Variants in EFCAB11 observed in about 807,000 individuals in gnomAD.
The protein encoded by EFCAB11 is EF-hand calcium binding domain 11, also known as EF-hand calcium-binding domain-containing protein 11.
A neutral mutation model predicts 23.0 loss-of-function variants in EFCAB11; 14 were observed. The ratio of observed to expected loss-of-function variants is 0.61; its 90% CI spans 0.40 to 0.95. EFCAB11 has a LOEUF of 0.95. Ranked by LOEUF, EFCAB11 falls within the 40% of genes least tolerant of loss-of-function variation. The pLI is 0.00. For synonymous variants in EFCAB11, 65 were observed against 66.6 expected, an observed-to-expected ratio of 0.98 and a Z score of 0.11; for missense variants, 198 against 195.8, an observed-to-expected ratio of 1.01 and a Z score of -0.07.
intron 5 of EFCAB11, among the ~76,000 whole-genome samples, chr14:89,814,699 C>T (rs1357694891): frequency 2.0e-5 from 3 of 150,266 alleles, no homozygotes; most frequent in Admixed American, 1.3e-4. Flanking sequence ...AGCGAAACTC[C>T]CTTTCAAAAA....
At chr14:89,906,188 T>C (rs1889492705) in intron 5 of EFCAB11, among the ~76,000 whole-genome samples, 1 of 149,394 alleles carries the variant, frequency 6.7e-6, no homozygotes, top group East Asian at 1.9e-4. Context: ...AATAAATAAA[T>C]AAATAAATAA....
intron 5 of EFCAB11, among the ~76,000 whole-genome samples, chr14:89,891,919 G>C (rs959621194): frequency 2.0e-5 from 3 of 152,070 alleles, no homozygotes; most frequent in Non-Finnish European, 4.4e-5. Context: ...CCAAGCCCGA[G>C]CCCACGGTGG....
At chr14:89,828,888 G>A (rs994157646) in intron 5 of EFCAB11, among the ~76,000 whole-genome samples, 4 of 152,194 alleles carry the variant, frequency 2.6e-5, no homozygotes, top group South Asian at 2.1e-4. Context: ...AAAGAAGGTG[G>A]CTCAAGCACT....
chr14:89,838,283 T>C (rs1887148725), intron 5 of EFCAB11, among the ~76,000 whole-genome samples: 1 of 151,436 alleles, frequency 6.6e-6, no homozygotes, highest in African/African-American at 2.4e-5. Flanking sequence ...AATCAGAAAG[T>C]TGTGAAATAA....
chr14:89,917,465 A>T (rs1341679745), intron 5 of EFCAB11, among the ~76,000 whole-genome samples: 1 of 152,164 alleles, frequency 6.6e-6, no homozygotes, highest in Non-Finnish European at 1.5e-5. Context: ...GTACACACAT[A>T]CCACAATTTC....
intron 5 of EFCAB11, among the ~76,000 whole-genome samples, chr14:89,888,954 T>C (rs1871830531): frequency 6.6e-6 from 1 of 152,004 alleles, no homozygotes; most frequent in Non-Finnish European, 1.5e-5. Context: ...TTTCAGAAAA[T>C]ACCAAAAGGG....
intron 3 of EFCAB11, among the ~76,000 whole-genome samples, chr14:89,949,718 C>G (rs1302266958): frequency 1.4e-4 from 21 of 152,080 alleles, no homozygotes; most frequent in Admixed American, 1.4e-3. Flanking sequence ...TGTTTTCATG[C>G]TACTGATAAA....
chr14:89,952,079 TA>T (rs1185606149), intron 2 of EFCAB11, among the ~76,000 whole-genome samples: 4 of 152,174 alleles, frequency 2.6e-5, no homozygotes, highest in African/African-American at 9.7e-5. Context: ...CAACCTAGTC[TA>T]AAAAAATCTG....
intron 2 of EFCAB11, chr14:89,952,627 A>G (rs1891212634): frequency 1.0e-6 from 1 of 983,458 alleles, no homozygotes; most frequent in African/African-American, 1.7e-5. Context: ...GGGTCAAGAG[A>G]ATATATTAAT....
chr14:89,912,907 C>T (rs1889725693), intron 5 of EFCAB11, among the ~76,000 whole-genome samples: 1 of 152,192 alleles, frequency 6.6e-6, no homozygotes, highest in Non-Finnish European at 1.5e-5. Flanking sequence ...ATCAAACTTG[C>T]ATAAAGAGCA....
At chr14:89,805,974 C>T (rs1415703384) in intron 5 of EFCAB11, among the ~76,000 whole-genome samples, 1 of 152,192 alleles carries the variant, frequency 6.6e-6, no homozygotes, top group Non-Finnish European at 1.5e-5. Flanking sequence ...GGATTATTCT[C>T]CTCAGCTCTG....
chr14:89,802,678 C>G (rs896745804), intron 5 of EFCAB11, among the ~76,000 whole-genome samples: 4 of 152,194 alleles, frequency 2.6e-5, no homozygotes, highest in Non-Finnish European at 4.4e-5. Context: ...TAGGCGTGAG[C>G]CACTGCGGTC....
chr14:89,888,601 A>T (rs1353580310), intron 5 of EFCAB11, among the ~76,000 whole-genome samples: 2 of 152,202 alleles, frequency 1.3e-5, no homozygotes, highest in Non-Finnish European at 2.9e-5. Context: ...TGTCCCCATG[A>T]TCCAGACACC....
intron 5 of EFCAB11, among the ~76,000 whole-genome samples, chr14:89,921,146 T>C (rs1379476635): frequency 6.6e-6 from 1 of 150,546 alleles, no homozygotes; most frequent in Non-Finnish European, 1.5e-5. Flanking sequence ...CATTCAGATA[T>C]GTGGATGGGG....
At chr14:89,799,580 A>G (rs973324834) in intron 5 of EFCAB11, 23 of 152,262 alleles carry the variant, frequency 1.5e-4, no homozygotes, top group African/African-American at 5.5e-4. Flanking sequence ...CCCTAACGTG[A>G]GTTTGCTCTA....
intron 5 of EFCAB11, among the ~76,000 whole-genome samples, chr14:89,889,717 G>A (rs1372950638): frequency 2.0e-5 from 3 of 152,234 alleles, no homozygotes; most frequent in Admixed American, 2.0e-4. Context: ...GCCAGACAGA[G>A]AATGCCAGTG....
intron 5 of EFCAB11, among the ~76,000 whole-genome samples, chr14:89,872,854 GACACACAC>G (rs34058468): frequency 6.7e-6 from 1 of 148,770 alleles, no homozygotes; most frequent in Non-Finnish European, 1.5e-5. Flanking sequence ...AAGAGATTAG[GACACACAC>G]ACACACACAC....
chr14:89,912,529 T>C (rs541982600), intron 5 of EFCAB11, among the ~76,000 whole-genome samples: 1 of 152,362 alleles, frequency 6.6e-6, no homozygotes, highest in Non-Finnish European at 1.5e-5. Flanking sequence ...ATTTCTATAC[T>C]GCTCTATTGA....
At chr14:89,835,135 A>G (rs1459587896) in intron 5 of EFCAB11, among the ~76,000 whole-genome samples, 1 of 152,206 alleles carries the variant, frequency 6.6e-6, no homozygotes, top group Non-Finnish European at 1.5e-5. Context: ...ATGGGGCAGG[A>G]GCCTGAGAAA....
Sources: allele counts gnomAD v4.1 joint callset (sites outside exome capture counted in the v4.1 genomes callset), GRCh38; gene constraint gnomAD v4.1.1; transcripts MANE v1.5; gene names NCBI Gene and HGNC (gene_info 2026-07-23, HGNC 2026-07-21).